The following NAALADL2 variants were observed in gnomAD, a reference collection of about 807,000 sequenced individuals.
The protein encoded by NAALADL2 is N-acetylated alpha-linked acidic dipeptidase like 2, also known as inactive N-acetylated-alpha-linked acidic dipeptidase-like protein 2.
Under a neutral mutation model 87.2 loss-of-function variants are expected in NAALADL2, and 76 were observed. The observed-to-expected ratio is 0.87, with a 90% confidence interval of 0.72 to 1.05. The LOEUF (loss-of-function observed/expected upper bound fraction) is 1.05. Among genes scored for constraint, NAALADL2 ranks in the 50% least tolerant of loss-of-function variants. The pLI is 0.00. For synonymous variants in NAALADL2, 354 were observed against 331.0 expected, an observed-to-expected ratio of 1.07 and a Z score of -0.75; for missense variants, 1,089 against 945.8, an observed-to-expected ratio of 1.15 and a Z score of -1.99.
intron 2 of NAALADL2, among the ~76,000 whole-genome samples, chr3:175,163,366 T>C (rs1319840376): frequency 1.3e-5 from 2 of 152,088 alleles, no homozygotes; most frequent in East Asian, 1.9e-4. Flanking sequence ...GATTATGAGA[T>C]ATTTAGAAAA....
At chr3:174,899,949 G>A (rs1342631454) in intron 1 of NAALADL2, among the ~76,000 whole-genome samples, 8 of 151,698 alleles carry the variant, frequency 5.3e-5, no homozygotes, top group Non-Finnish European at 1.2e-4. Flanking sequence ...AGCAAGATAA[G>A]TGTAGGTTCT....
At chr3:175,375,460 G>T (rs1039408929) in intron 5 of NAALADL2, among the ~76,000 whole-genome samples, 2 of 151,974 alleles carry the variant, frequency 1.3e-5, no homozygotes, top group African/African-American at 4.8e-5. Context: ...TCTTTAATTT[G>T]TTTTTCAGCA....
At chr3:175,292,945 G>A (rs907062647) in intron 4 of NAALADL2, among the ~76,000 whole-genome samples, 1 of 147,092 alleles carries the variant, frequency 6.8e-6, no homozygotes, top group African/African-American at 2.5e-5. Context: ...GCTGAGGCAG[G>A]AGAATGGCGT....
At chr3:175,096,633 G>T (rs1004475691) in intron 1 of NAALADL2, among the ~76,000 whole-genome samples, 157 bp from the exon 2 acceptor site, 1 of 151,366 alleles carries the variant, frequency 6.6e-6, no homozygotes, top group Non-Finnish European at 1.5e-5. Context: ...AAAATTATAA[G>T]ATTAATTAAA....
chr3:174,456,801 A>G, intron 1 of NAALADL2, among the ~76,000 whole-genome samples: 1 of 152,198 alleles, frequency 6.6e-6, no homozygotes, highest in East Asian at 1.9e-4. Flanking sequence ...TTCTGGACAC[A>G]GGAATGGGCA....
intron 1 of NAALADL2, among the ~76,000 whole-genome samples, chr3:174,889,080 C>A (rs186356913): frequency 1.3e-5 from 2 of 152,166 alleles, no homozygotes; most frequent in Non-Finnish European, 2.9e-5. Context: ...TCTACAGTGA[C>A]TCGTGCCTTA....
chr3:175,088,905 G>A (rs753386000), intron 1 of NAALADL2, among the ~76,000 whole-genome samples: 4 of 152,188 alleles, frequency 2.6e-5, no homozygotes, highest in Admixed American at 6.5e-5. Flanking sequence ...AGTAGGGAGT[G>A]GACAGGATGA....
chr3:175,221,368 C>T (rs1560184415), intron 2 of NAALADL2, among the ~76,000 whole-genome samples: 2 of 151,930 alleles, frequency 1.3e-5, no homozygotes, highest in South Asian at 2.1e-4. Context: ...GGTTTTTGGC[C>T]TCTCGAAGTG....
At chr3:175,418,064 G>T (rs978772898) in intron 5 of NAALADL2, among the ~76,000 whole-genome samples, 20 of 152,056 alleles carry the variant, frequency 1.3e-4, no homozygotes, top group African/African-American at 4.8e-4. Context: ...GGCTGGGTTT[G>T]GGAAGAGTTT....
chr3:175,781,091 A>ATATC (rs1751003304), intron 13 of NAALADL2, among the ~76,000 whole-genome samples: 1 of 152,206 alleles, frequency 6.6e-6, no homozygotes, highest in Non-Finnish European at 1.5e-5. Flanking sequence ...AAGAGATTAA[A>ATATC]TATCTGGGAA....
chr3:174,986,164 A>G (rs1052652837), intron 1 of NAALADL2, among the ~76,000 whole-genome samples: 1 of 151,188 alleles, frequency 6.6e-6, no homozygotes, highest in African/African-American at 2.4e-5. Flanking sequence ...TGCATCATAT[A>G]TACAAATTTC....
chr3:175,543,707 C>G (rs1030336734), intron 9 of NAALADL2, among the ~76,000 whole-genome samples: 1 of 152,298 alleles, frequency 6.6e-6, no homozygotes, highest in East Asian at 1.9e-4. Flanking sequence ...TACCTCCCAC[C>G]AGGTCCCTCC....
At chr3:174,995,954 T>G (rs1182312460) in intron 1 of NAALADL2, among the ~76,000 whole-genome samples, 1 of 152,142 alleles carries the variant, frequency 6.6e-6, no homozygotes, top group Admixed American at 6.5e-5. Context: ...TTACTATGTG[T>G]CCAAGGATAA....
chr3:174,742,151 C>A (rs1007334174), intron 3 of NAALADL2, among the ~76,000 whole-genome samples: 14 of 151,396 alleles, frequency 9.2e-5, no homozygotes, highest in African/African-American at 3.1e-4. Flanking sequence ...TTAAATAAAA[C>A]TCTTTAAAAT....
intron 9 of NAALADL2, among the ~76,000 whole-genome samples, chr3:175,485,252 C>G (rs1727079517): frequency 6.6e-6 from 1 of 152,052 alleles, no homozygotes; most frequent in Non-Finnish European, 1.5e-5. Context: ...GGAAGTGGGA[C>G]TTTTGGGAGG....
chr3:175,062,228 T>G, intron 1 of NAALADL2, among the ~76,000 whole-genome samples: 1 of 152,124 alleles, frequency 6.6e-6, no homozygotes, highest in East Asian at 1.9e-4. Context: ...TGCAGGAGCT[T>G]GTTTTGGTTA....
chr3:174,778,123 A>G (rs1266628528), intron 3 of NAALADL2, among the ~76,000 whole-genome samples: 2 of 152,086 alleles, frequency 1.3e-5, no homozygotes, highest in Non-Finnish European at 2.9e-5. Flanking sequence ...GAGACATTCT[A>G]GACTTTCCAT....
chr3:174,542,247 C>T (rs145884148), intron 1 of NAALADL2, among the ~76,000 whole-genome samples: 1 of 152,230 alleles, frequency 6.6e-6, no homozygotes, highest in East Asian at 1.9e-4. Context: ...AGAAAGAAGT[C>T]CTACTAATCT....
chr3:175,779,238 C>T (rs1002146476), intron 13 of NAALADL2, among the ~76,000 whole-genome samples: 2 of 152,020 alleles, frequency 1.3e-5, no homozygotes, highest in African/African-American at 4.8e-5. Context: ...GTTCAGAGTG[C>T]ACTTCTTGCA....
Sources: allele counts gnomAD v4.1 joint callset (sites outside exome capture counted in the v4.1 genomes callset), GRCh38; gene constraint gnomAD v4.1.1; transcripts MANE v1.5; gene names NCBI Gene and HGNC (gene_info 2026-07-23, HGNC 2026-07-21).